The following DENND5B variants were observed in gnomAD, a reference collection of about 807,000 sequenced individuals.
DENND5B encodes DENN domain-containing protein 5B.
DENND5B carries 34 observed loss-of-function variants against 140.6 expected under a neutral mutation model. The observed-to-expected ratio is 0.24, with a 90% CI of 0.18 to 0.32. The LOEUF (loss-of-function observed/expected upper bound fraction) is 0.32, where lower values mean the gene tolerates loss of function less well. DENND5B is among the 10% of genes least tolerant of loss of function. The pLI, the probability that DENND5B is intolerant of heterozygous loss-of-function variation, is 1.00. For synonymous variants in DENND5B, 551 were observed against 562.1 expected, an observed-to-expected ratio of 0.98 and a Z score of 0.28; for missense variants, 1,142 against 1,560.2, an observed-to-expected ratio of 0.73 and a Z score of 4.52.
intron 16 of DENND5B, among the ~76,000 whole-genome samples, chr12:31,399,364 C>T (rs1038161604): frequency 6.7e-6 from 1 of 149,442 alleles, no homozygotes; most frequent in African/African-American, 2.5e-5. Context: ...CTGAAATCTC[C>T]CCCTCCCGGG....
intron 1 of DENND5B, among the ~76,000 whole-genome samples, chr12:31,520,866 C>A (rs371937153): frequency 7.2e-6 from 1 of 139,726 alleles, no homozygotes; most frequent in Non-Finnish European, 1.5e-5. Flanking sequence ...ACAACAACAA[C>A]AAAAACAGGA....
intron 7 of DENND5B, among the ~76,000 whole-genome samples, chr12:31,437,033 A>C (rs1307045330): frequency 6.6e-6 from 1 of 152,210 alleles, no homozygotes; most frequent in Non-Finnish European, 1.5e-5. Flanking sequence ...AGTATCTATC[A>C]CAGAGTATTA....
intron 1 of DENND5B, among the ~76,000 whole-genome samples, chr12:31,525,332 A>G (rs998185947): frequency 3.3e-5 from 5 of 152,248 alleles, no homozygotes; most frequent in Admixed American, 3.3e-4. Context: ...ATATACTTCT[A>G]TAAAATAGAA....
intron 5 of DENND5B, among the ~76,000 whole-genome samples, chr12:31,448,000 G>A (rs1349375263): frequency 6.6e-6 from 1 of 152,076 alleles, no homozygotes; most frequent in Non-Finnish European, 1.5e-5. Context: ...TTTACATTCT[G>A]ATCCTTATGA....
intron 4 of DENND5B, 61 bp downstream of exon 4, chr12:31,460,133 G>C: frequency 1.3e-6 from 2 of 1,498,466 alleles, no homozygotes; most frequent in Non-Finnish European, 1.8e-6. Context: ...GCAATCTAAC[G>C]AAAGTCGCCT....
intron 11 of DENND5B, among the ~76,000 whole-genome samples, chr12:31,418,878 A>T (rs1942892873): frequency 6.6e-6 from 1 of 152,152 alleles, no homozygotes; most frequent in African/African-American, 2.4e-5. Flanking sequence ...GGCTCAAGGA[A>T]TCCTCCCACC....
intron 15 of DENND5B, among the ~76,000 whole-genome samples, chr12:31,400,837 G>GTTTTTTTTTTT (rs368442172): frequency 8.8e-6 from 1 of 113,968 alleles, no homozygotes; most frequent in Non-Finnish European, 1.8e-5. Flanking sequence ...AGAGCTACGA[G>GTTTTTTTTTTT]TTTTTTTTTT....
At chr12:31,532,704 G>C in intron 1 of DENND5B, among the ~76,000 whole-genome samples, 1 of 152,124 alleles carries the variant, frequency 6.6e-6, no homozygotes, top group African/African-American at 2.4e-5. Context: ...GGGGAATTGG[G>C]AAAAATAAAG....
intron 6 of DENND5B, chr12:31,444,260 C>T (rs1239352936): frequency 6.6e-6 from 1 of 152,012 alleles, no homozygotes; most frequent in Non-Finnish European, 1.5e-5. Context: ...TATGTTGCCC[C>T]TTTTCCTTTT....
At chr12:31,521,412 G>GA (rs1393818088) in intron 1 of DENND5B, among the ~76,000 whole-genome samples, 1 of 151,750 alleles carries the variant, frequency 6.6e-6, no homozygotes, top group Non-Finnish European at 1.5e-5. Flanking sequence ...TCAGCCTCCA[G>GA]AGCAGCTTGG....
At chr12:31,472,330 C>G (rs957129019) in intron 3 of DENND5B, among the ~76,000 whole-genome samples, 5 of 152,188 alleles carry the variant, frequency 3.3e-5, no homozygotes, top group African/African-American at 1.2e-4. Context: ...CTTGCCCTGT[C>G]TCCCAGGCTG....
At position 31,452,249 on chromosome 12, in the gene DENND5B, A is replaced by G. The variant is rs901803499; in HGVS notation, c.1320T>C (p.Asn440=). ...TCAGTAACTCATACATGCTGATGTT[A>G]TTAGTACAGACATTGCCGTTCTTTT... ...NDKKNGNVCT[N]NISMYELLKG... is the part of the protein sequence containing the mutation. The change falls in exon 5 of 21, where the codon AAT becomes AAC. Residue 440 remains asparagine, a synonymous_variant. Transcript: ENST00000389082. 3.7e-6 allele frequency: 6 copies of G among 1,613,832 alleles called. No homozygotes were observed. In the African/African-American group the frequency reaches 8.0e-5, roughly 22 times the overall value.
intron 1 of DENND5B, among the ~76,000 whole-genome samples, chr12:31,557,239 T>C (rs1472165905): frequency 6.6e-6 from 1 of 152,194 alleles, no homozygotes; most frequent in East Asian, 1.9e-4. Context: ...AGAGACATAA[T>C]GGCTACTAAA....
Position 31,452,470 on chromosome 12 carries a change from A to G in DENND5B, c.1099T>C (p.Leu367=). 1 of 1,592,132 alleles carries G rather than the reference A, an allele frequency of 6.3e-7. No homozygotes were observed. ...SKLELPQEAN[L]CFVDIDNHFI... ...TGGTTGTCAATGTCCACAAAACACA[A>G]ATTAGCCTGAAAGAGAAAAATGAAA... Residue 367 remains leucine, a synonymous_variant, in exon 5 of 21, where the codon TTG becomes CTG. Transcript: ENST00000389082.
At chr12:31,495,389 C>CTTTTTTTTTTTTTTTT in intron 2 of DENND5B, among the ~76,000 whole-genome samples, 1 of 136,206 alleles carries the variant, frequency 7.3e-6, no homozygotes, top group African/African-American at 2.8e-5. Context: ...CTTTTTTTTT[C>CTTTTTTTTTTTTTTTT]TTTTTTTGAG....
chr12:31,473,390 G>A (rs1945647157), intron 3 of DENND5B, among the ~76,000 whole-genome samples: 1 of 152,196 alleles, frequency 6.6e-6, no homozygotes, highest in South Asian at 2.1e-4. Flanking sequence ...AGGTTTGACT[G>A]TTTCACCCCA....
At chr12:31,532,773 T>C (rs1304523144) in intron 1 of DENND5B, among the ~76,000 whole-genome samples, 3 of 152,220 alleles carry the variant, frequency 2.0e-5, no homozygotes, top group Non-Finnish European at 1.5e-5. Flanking sequence ...TACCAACTTG[T>C]TCAAAAACGG....
At chr12:31,576,468 T>C (rs1428424973) in intron 1 of DENND5B, among the ~76,000 whole-genome samples, 2 of 144,158 alleles carry the variant, frequency 1.4e-5, no homozygotes, top group Non-Finnish European at 3.1e-5. Context: ...AAAAAAGTAA[T>C]AATAATGAAA....
chr12:31,447,680 A>G lies in DENND5B; in HGVS notation c.1719T>C (p.Asn573=), dbSNP rs1297625841. The change falls in exon 6 of 21, where the codon AAT becomes AAC. Residue 573 remains asparagine, a synonymous_variant. Coordinates refer to ENST00000389082, the MANE Select transcript of DENND5B (RefSeq NM_144973.4). ...ETQMFATFID[N]KIMSQWEEKD... ...TCTCTTCCCACTGAGACATAATTTT[A>G]TTATCAATAAAGGTGGCAAACATCT... The G allele has an allele frequency of 1.2e-6, 2 of 1,613,368 alleles. No homozygotes were observed. Among genetic ancestry groups the G allele is most frequent in the East Asian group, 4.5e-5 (2 of 44,864 alleles).
Sources: allele counts gnomAD v4.1 joint callset (sites outside exome capture counted in the v4.1 genomes callset), GRCh38; gene constraint gnomAD v4.1.1; transcripts MANE v1.5; gene names NCBI Gene and HGNC (gene_info 2026-07-23, HGNC 2026-07-21).